The following FAT3 variants were observed in gnomAD, a reference collection of about 807,000 sequenced individuals.
The protein encoded by FAT3 is protocadherin Fat 3.
In FAT3, 95 loss-of-function variants were observed where a neutral mutation model predicts 310.2. That is an observed-to-expected ratio of 0.31 (90% CI 0.26 to 0.36). The LOEUF (loss-of-function observed/expected upper bound fraction) is 0.36. Among genes scored for constraint, FAT3 ranks in the 10% least tolerant of loss-of-function variants. The pLI is 1.00. For synonymous variants in FAT3, 2,314 were observed against 2,192.9 expected, an observed-to-expected ratio of 1.06 and a Z score of -1.54; for missense variants, 5,408 against 5,715.6, an observed-to-expected ratio of 0.95 and a Z score of 1.74.
intron 1 of FAT3, among the ~76,000 whole-genome samples, chr11:92,276,989 C>T (rs1011254263): frequency 6.6e-6 from 1 of 152,160 alleles, no homozygotes; most frequent in African/African-American, 2.4e-5. Flanking sequence ...CTGTGACTCA[C>T]TGATTGCTTG....
intron 3 of FAT3, among the ~76,000 whole-genome samples, chr11:92,566,097 T>A (rs943006818): frequency 6.6e-6 from 1 of 152,162 alleles, no homozygotes; most frequent in African/African-American, 2.4e-5. Flanking sequence ...AGTCGAATTG[T>A]CCCTGTTTGC....
chr11:92,866,877 C>G lies in FAT3; in HGVS notation c.11795C>G (p.Ser3932Cys), dbSNP rs373331579. 2.5e-6 allele frequency: 4 copies of G among 1,614,000 alleles called. No homozygotes were observed. The highest frequency in any genetic ancestry group is 3.4e-6 in the Non-Finnish European group (4 of 1,179,896). ...CTCAACCGCAATTTCACGAGCCTGT[C>G]CCTGGATGACAGCTACGTGGAGCGG... ...LELNRNFTSL[S>C]LDDSYVERRR... The change falls in exon 22 of 28, where the codon TCC becomes TGC. Residue 3932 changes from serine to cysteine, a missense_variant. Around this residue, in one of 5 missense-constraint regions of FAT3, gnomAD observed 4,588 missense variants for 4,809.8 expected, o/e 0.95. Transcript: ENST00000525166.
chr11:92,395,247 T>C (rs1329457550), intron 2 of FAT3, among the ~76,000 whole-genome samples: 1 of 152,208 alleles, frequency 6.6e-6, no homozygotes, highest in East Asian at 1.9e-4. Context: ...GGTACTTGAA[T>C]TGATTGACAG....
At chr11:92,618,274 T>A (rs1940915032) in intron 3 of FAT3, among the ~76,000 whole-genome samples, 1 of 152,352 alleles carries the variant, frequency 6.6e-6, no homozygotes, top group South Asian at 2.1e-4. Context: ...TAGAACCCTC[T>A]GAGCCAGGCG....
chr11:92,466,501 T>G (rs1951763476), intron 2 of FAT3, among the ~76,000 whole-genome samples: 1 of 152,052 alleles, frequency 6.6e-6, no homozygotes, highest in Admixed American at 6.6e-5. Flanking sequence ...ATCCCCATTG[T>G]CTCTGTCCAC....
At chr11:92,328,540 G>A (rs537377448) in intron 1 of FAT3, among the ~76,000 whole-genome samples, 3 of 152,266 alleles carry the variant, frequency 2.0e-5, no homozygotes, top group South Asian at 4.1e-4. Context: ...ATCAGAAATT[G>A]TTCAGGGTTA....
intron 3 of FAT3, among the ~76,000 whole-genome samples, chr11:92,642,872 CACAGAAAATCTG>C (rs1942014051): frequency 6.6e-6 from 1 of 152,202 alleles, no homozygotes; most frequent in Admixed American, 6.5e-5. Flanking sequence ...AAACAAAACC[CACAGAAAATCTG>C]ACAGAAAATG....
intron 21 of FAT3, 75 bp from the exon 22 acceptor site, chr11:92,866,666 G>T (rs1411967382): frequency 1.5e-6 from 2 of 1,355,720 alleles, no homozygotes; most frequent in East Asian, 2.5e-5. Flanking sequence ...CCCCCGGGCC[G>T]GCCAGGAGCA....
At chr11:92,418,437 C>CCCA (rs1424022062) in intron 2 of FAT3, among the ~76,000 whole-genome samples, 3 of 107,826 alleles carry the variant, frequency 2.8e-5, no homozygotes, top group Non-Finnish European at 5.4e-5. Flanking sequence ...CACCCCCCCA[C>CCCA]ACACACACAG....
At chr11:92,729,971 A>AT (rs1565546741) in intron 4 of FAT3, among the ~76,000 whole-genome samples, 1 of 152,180 alleles carries the variant, frequency 6.6e-6, no homozygotes. Context: ...ATCATGAGTG[A>AT]TTTTTTAAAA....
At chr11:92,756,499 C>G (rs534075946) in intron 4 of FAT3, among the ~76,000 whole-genome samples, 1 of 152,116 alleles carries the variant, frequency 6.6e-6, no homozygotes, top group South Asian at 2.1e-4. Context: ...AATACAATAG[C>G]CTGGAAATAA....
chr11:92,482,846 G>T (rs186147879), intron 2 of FAT3, among the ~76,000 whole-genome samples: 1 of 152,210 alleles, frequency 6.6e-6, no homozygotes, highest in Non-Finnish European at 1.5e-5. Context: ...CTGAGAAAGC[G>T]AGAGGGAAAG....
chr11:92,380,757 T>C (rs1949476299), intron 2 of FAT3, among the ~76,000 whole-genome samples: 2 of 152,176 alleles, frequency 1.3e-5, no homozygotes, highest in Admixed American at 1.3e-4. Context: ...GAATATAGAC[T>C]CCCATTTTTC....
At chr11:92,701,895 G>C (rs1210249936) in intron 4 of FAT3, among the ~76,000 whole-genome samples, 1 of 152,022 alleles carries the variant, frequency 6.6e-6, no homozygotes, top group African/African-American at 2.4e-5. Context: ...GGGTGTTTTT[G>C]GTTTTCTTTC....
At chr11:92,884,267 T>G (rs1427421964) in intron 24 of FAT3, among the ~76,000 whole-genome samples, 2 of 152,206 alleles carry the variant, frequency 1.3e-5, no homozygotes, top group African/African-American at 4.8e-5. Flanking sequence ...AGTAAGTGAC[T>G]GGCATGATAA....
chr11:92,812,894 G>A (rs1033884911), intron 13 of FAT3, among the ~76,000 whole-genome samples: 1 of 152,120 alleles, frequency 6.6e-6, no homozygotes, highest in Non-Finnish European at 1.5e-5. Flanking sequence ...CCCATGTGTC[G>A]TGGGAGACAC....
At position 92,760,044 on chromosome 11, in the gene FAT3, G is replaced by A. The variant is rs565516981; in HGVS notation, c.3670-1812G>A. On this transcript the variant is annotated intron_variant, in intron 4 of 27. Coordinates refer to ENST00000525166, the MANE Select transcript of FAT3 (RefSeq NM_001367949.2). ...GGTCACCTGGGAGTGTAACATTTGC[G>A]TTCACCAGCAGCAGCAGAATGTGCC... is the stretch of plus-strand genomic sequence containing the variant. Among the ~76,000 whole-genome samples, 8 of 152,264 alleles carry A rather than the reference G, an allele frequency of 5.3e-5. No homozygotes were observed. The East Asian group carries it at 5.8e-4, about 11-fold the overall frequency.
Position 92,797,986 on chromosome 11 carries a change from G to A in FAT3, c.4973G>A (p.Arg1658His), listed in dbSNP as rs575952042. Reference protein sequence around the residue: ...SPPMSATAIVRISVTMSDNSH... With the variant: ...SPPMSATAIVHISVTMSDNSH... Reference sequence around the variant, plus strand: ...CCAATGTCTGCTACTGCAATTGTGCGCATTTCCGTCACCATGTCTGACAAT... The same window carrying A: ...CCAATGTCTGCTACTGCAATTGTGCACATTTCCGTCACCATGTCTGACAAT... The change falls in exon 10 of 28, where the codon CGC becomes CAC. Residue 1658 changes from arginine (R) to histidine (H), a missense_variant. By Grantham distance (29) the Arg-to-His change is conservative. This residue lies in a region of FAT3 where 4,588 missense variants were observed against 4,809.8 expected (regional missense o/e 0.95). Coordinates refer to ENST00000525166, the MANE Select transcript of FAT3 (RefSeq NM_001367949.2). The A allele has an allele frequency of 8.9e-5, 143 of 1,613,868 alleles. No homozygotes were observed. The highest frequency in any genetic ancestry group is 9.3e-5 in the African/African-American group (7 of 75,012).
intron 3 of FAT3, among the ~76,000 whole-genome samples, chr11:92,558,901 A>G (rs1476622791): frequency 6.6e-6 from 1 of 152,148 alleles, no homozygotes; most frequent in African/African-American, 2.4e-5. Context: ...TTTGGTGCAT[A>G]GTAACACTGA....
Sources: gnomAD v4.1 joint callset for allele counts (sites outside exome capture counted in the v4.1 genomes callset) on GRCh38, gnomAD v4.1.1 for gene constraint, gnomAD v4.1.1 regional missense constraint, MANE v1.5 for transcripts, NCBI Gene and HGNC (gene_info 2026-07-23, HGNC 2026-07-21) for gene names.